Variants in DLG5 observed in about 807,000 individuals in gnomAD.
DLG5 encodes disks large homolog 5.
A neutral mutation model predicts 189.8 loss-of-function variants in DLG5; 48 were observed. The observed-to-expected ratio is 0.25, with a 90% CI of 0.20 to 0.32. DLG5 has a LOEUF of 0.32. DLG5 is among the 10% of genes least tolerant of loss of function. The pLI is 1.00. For synonymous variants in DLG5, 1,016 were observed against 1,054.1 expected, an observed-to-expected ratio of 0.96 and a Z score of 0.70; for missense variants, 2,160 against 2,544.7, an observed-to-expected ratio of 0.85 and a Z score of 3.25.
chr10:77,841,799 C>T (rs1195084546), intron 7 of DLG5, 82 bp downstream of exon 7: 1 of 1,497,422 alleles, frequency 6.7e-7, no homozygotes. Flanking sequence ...GGCTTCTAAT[C>T]CGGACACCAC....
chr10:77,870,592 G>A (rs1231764844), intron 1 of DLG5, among the ~76,000 whole-genome samples: 1 of 152,076 alleles, frequency 6.6e-6, no homozygotes, highest in Non-Finnish European at 1.5e-5. Flanking sequence ...TCTGAGGTGG[G>A]AGGATCACCT....
At chr10:77,919,854 G>C (rs1846483548) in intron 1 of DLG5, among the ~76,000 whole-genome samples, 1 of 152,112 alleles carries the variant, frequency 6.6e-6, no homozygotes, top group Non-Finnish European at 1.5e-5. Context: ...TCTGGGGCTT[G>C]CTCAAGCCTT....
At chr10:77,901,694 T>C (rs2818831) in intron 1 of DLG5, among the ~76,000 whole-genome samples, 46,325 of 152,104 alleles carry the variant, frequency 0.3, 7,702 homozygotes, top group Admixed American at 0.44. Flanking sequence ...CAGCAACCCC[T>C]GGCAAAAGCA....
chr10:77,792,909 C>A, intron 31 of DLG5: 1 of 271,602 alleles, frequency 3.7e-6, no homozygotes, highest in South Asian at 4.9e-5. Flanking sequence ...AGCTCATGGC[C>A]AAGAGGAGAG....
At chr10:77,888,508 T>A (rs1485484006) in intron 1 of DLG5, among the ~76,000 whole-genome samples, 2 of 152,208 alleles carry the variant, frequency 1.3e-5, no homozygotes, top group African/African-American at 4.8e-5. Context: ...GTTAAATGTG[T>A]TAATATTCAT....
At chr10:77,825,415 C>CAG (rs1554816066) in intron 13 of DLG5, among the ~76,000 whole-genome samples, 3 of 148,176 alleles carry the variant, frequency 2.0e-5, no homozygotes, top group African/African-American at 7.4e-5. Context: ...CACACACACA[C>CAG]AGTACCAATG....
intron 6 of DLG5, among the ~76,000 whole-genome samples, chr10:77,843,021 G>A (rs556528114): frequency 2.0e-5 from 3 of 152,190 alleles, no homozygotes; most frequent in South Asian, 4.1e-4. Flanking sequence ...CATCTCTAAA[G>A]ATGACAGAAG....
intron 27 of DLG5, among the ~76,000 whole-genome samples, chr10:77,797,508 G>A (rs907030363): frequency 7.9e-5 from 12 of 152,224 alleles, no homozygotes; most frequent in African/African-American, 2.9e-4. Flanking sequence ...TTCCAGGAGC[G>A]GCGGGCTTCA....
chr10:77,933,268 GGTTTTT>G, the DLG5 span, among the ~76,000 whole-genome samples: 3 of 151,452 alleles, frequency 2.0e-5, no homozygotes, highest in East Asian at 1.9e-4. Context: ...TTTTTGTTTG[GGTTTTT>G]GTTTTTGTTT....
At chr10:77,825,700 T>A (rs1456085931) in intron 13 of DLG5, among the ~76,000 whole-genome samples, 1 of 151,798 alleles carries the variant, frequency 6.6e-6, no homozygotes, top group Admixed American at 6.6e-5. Context: ...GGATTACAGA[T>A]GTATGCCTCC....
At chr10:77,810,993 A>G in intron 23 of DLG5, 101 bp downstream of exon 23, 2 of 1,446,040 alleles carry the variant, frequency 1.4e-6, no homozygotes, top group Non-Finnish European at 1.9e-6. Context: ...GGCCTGCAGC[A>G]CATGAGGCCA....
At chr10:77,824,942 C>T (rs1340530169) in intron 13 of DLG5, among the ~76,000 whole-genome samples, 2 of 152,184 alleles carry the variant, frequency 1.3e-5, no homozygotes, top group East Asian at 3.9e-4. Context: ...TGAGTGTTCA[C>T]AAAGAACCTC....
chr10:77,875,312 T>A (rs1290620956), intron 1 of DLG5, among the ~76,000 whole-genome samples: 1 of 152,062 alleles, frequency 6.6e-6, no homozygotes, highest in African/African-American at 2.4e-5. Flanking sequence ...AGAAGCCCGA[T>A]CAGCTTGCAG....
chr10:77,824,616 AG>A, intron 13 of DLG5, 140 bp from the exon 14 acceptor site: 1 of 653,430 alleles, frequency 1.5e-6, no homozygotes, highest in African/African-American at 1.8e-5. Context: ...CAAAGGATAG[AG>A]GTCTTTCTGG....
At chr10:77,865,843 TTG>T (rs1284495914) in intron 2 of DLG5, among the ~76,000 whole-genome samples, 1 of 151,758 alleles carries the variant, frequency 6.6e-6, no homozygotes, top group Non-Finnish European at 1.5e-5. Flanking sequence ...GTGTGGCGAG[TTG>T]TGAGTAGGGC....
intron 17 of DLG5, 107 bp downstream of exon 17, chr10:77,819,214 G>A (rs1298180878): frequency 5.9e-6 from 9 of 1,537,152 alleles, no homozygotes; most frequent in Non-Finnish European, 6.2e-6. Flanking sequence ...CTCCCAGGCA[G>A]GCAAGGAAGC....
At chr10:77,923,631 G>T (rs1846600414) in intron 1 of DLG5, among the ~76,000 whole-genome samples, 1 of 152,152 alleles carries the variant, frequency 6.6e-6, no homozygotes, top group South Asian at 2.1e-4. Flanking sequence ...GGTGGCATGT[G>T]CCTGTGGTCC....
intron 20 of DLG5, chr10:77,816,198 A>G (rs1331904501): frequency 5.5e-6 from 3 of 549,134 alleles, no homozygotes; most frequent in Non-Finnish European, 7.0e-6. Flanking sequence ...GATAACAATA[A>G]TAACGACACT....
chr10:77,846,785 C>T, intron 5 of DLG5: 1 of 453,392 alleles, frequency 2.2e-6, no homozygotes. Flanking sequence ...GTCTGCTTTG[C>T]TGGGGAACAA....
Sources: allele counts gnomAD v4.1 joint callset (sites outside exome capture counted in the v4.1 genomes callset), GRCh38; gene constraint gnomAD v4.1.1; transcripts MANE v1.5; gene names NCBI Gene and HGNC (gene_info 2026-07-23, HGNC 2026-07-21).